ABCA13: variants seen among roughly 807,000 people sequenced by gnomAD.
The protein encoded by ABCA13 is ATP-binding cassette sub-family A member 13.
A neutral mutation model predicts 478.7 loss-of-function variants in ABCA13; 476 were observed. That is an observed-to-expected ratio of 0.99 (90% CI 0.92 to 1.07). ABCA13 has a LOEUF of 1.07. ABCA13 is among the 50% of genes least tolerant of loss of function. The pLI is 0.00. For synonymous variants in ABCA13, 2,252 were observed against 2,158.9 expected (o/e 1.04, Z -1.20); for missense variants, 6,060 against 5,910.6 (o/e 1.03, Z -0.83).
chr7:48,538,262 G>A (rs796464629), intron 55 of ABCA13, among the ~76,000 whole-genome samples: 19 of 151,676 alleles, frequency 1.3e-4, no homozygotes, highest in African/African-American at 1.9e-4. Flanking sequence ...CACTGCACCC[G>A]ACTACATTTT....
At chr7:48,214,465 TCTC>T (rs1424881466) in intron 3 of ABCA13, among the ~76,000 whole-genome samples, 2 of 152,172 alleles carry the variant, frequency 1.3e-5, no homozygotes, top group African/African-American at 4.8e-5. Context: ...GGCATTGACT[TCTC>T]CTCTCCGGTT....
chr7:48,192,144 G>A (rs1472671234), intron 1 of ABCA13, among the ~76,000 whole-genome samples: 3 of 151,308 alleles, frequency 2.0e-5, no homozygotes, highest in Non-Finnish European at 4.4e-5. Context: ...TATGACAATT[G>A]AGGCTTTTCT....
intron 20 of ABCA13, among the ~76,000 whole-genome samples, chr7:48,293,052 A>G (rs1584679335): frequency 6.6e-6 from 1 of 152,342 alleles, no homozygotes; most frequent in East Asian, 1.9e-4. Context: ...AGAGTCAAGA[A>G]GTTGCATGCT....
intron 5 of ABCA13, among the ~76,000 whole-genome samples, chr7:48,223,845 G>A (rs574679457): frequency 6.6e-6 from 1 of 151,792 alleles, no homozygotes; most frequent in Non-Finnish European, 1.5e-5. Flanking sequence ...TATAATCCCA[G>A]CTACTCGAGA....
intron 43 of ABCA13, among the ~76,000 whole-genome samples, chr7:48,464,925 G>A (rs1185863484): frequency 6.6e-6 from 1 of 152,166 alleles, no homozygotes; most frequent in Non-Finnish European, 1.5e-5. Context: ...GACTTATTAT[G>A]GAATCGGTGT....
intron 1 of ABCA13, among the ~76,000 whole-genome samples, chr7:48,172,364 T>G (rs892136351): frequency 6.6e-6 from 1 of 152,242 alleles, no homozygotes; most frequent in Middle Eastern, 3.2e-3. Context: ...GTAATTGACA[T>G]TGAATTACAT....
In ABCA13 at chr7:48,489,322, T is replaced by TA; in HGVS notation, c.13270dup (p.Thr4424AsnfsTer84). 1 of 1,608,726 alleles carries TA rather than the reference T, an allele frequency of 6.2e-7. No homozygotes were observed. The highest frequency in any genetic ancestry group is 8.5e-7 in the Non-Finnish European group (1 of 1,175,714). On this transcript the variant is annotated frameshift_variant, in exon 48 of 62. Coordinates refer to ENST00000435803, the MANE Select transcript of ABCA13 (RefSeq NM_152701.5). LOFTEE classifies it high-confidence loss of function. ...TTATTTTGTGGCAGCACCTACCCCC[T>TA]ACTGTGGACTGGAGACAATACGGTA...
chr7:48,311,634 G>A (rs1801793302), intron 24 of ABCA13, among the ~76,000 whole-genome samples: 1 of 152,162 alleles, frequency 6.6e-6, no homozygotes, highest in Non-Finnish European at 1.5e-5. Flanking sequence ...ATAAGATAGT[G>A]GGTTGGATTC....
chr7:48,626,255 G>A (rs1230836014), intron 59 of ABCA13, among the ~76,000 whole-genome samples: 1 of 152,206 alleles, frequency 6.6e-6, no homozygotes, highest in Non-Finnish European at 1.5e-5. Flanking sequence ...GAGTTAGGAG[G>A]AGGAAGAATG....
intron 2 of ABCA13, among the ~76,000 whole-genome samples, chr7:48,196,766 G>T (rs150729773): frequency 0.93 from 141,320 of 152,114 alleles, 65,728 homozygotes; most frequent in African/African-American, 0.96. Context: ...GAGAGATAGA[G>T]GGGACACAGA....
chr7:48,289,803 T>C (rs1016046319), intron 20 of ABCA13, among the ~76,000 whole-genome samples: 2 of 152,202 alleles, frequency 1.3e-5, no homozygotes, highest in Admixed American at 6.5e-5. Context: ...TGGTAACAGT[T>C]GGGTTAGTTT....
chr7:48,245,726 T>C, intron 12 of ABCA13, 114 bp downstream of exon 12: 2 of 1,424,608 alleles, frequency 1.4e-6, no homozygotes, highest in Non-Finnish European at 1.9e-6. Flanking sequence ...AAGGGAACAA[T>C]ATGCAGGTTT....
intron 56 of ABCA13, 25 bp downstream of exon 56, chr7:48,580,399 A>T: frequency 6.2e-7 from 1 of 1,601,970 alleles, no homozygotes. Context: ...GGTCTTCTAG[A>T]TAAAGGGACC....
At chr7:48,535,115 G>A (rs1256553463) in intron 55 of ABCA13, among the ~76,000 whole-genome samples, 1 of 152,120 alleles carries the variant, frequency 6.6e-6, no homozygotes, top group Non-Finnish European at 1.5e-5. Flanking sequence ...TTGTTTTTCT[G>A]GTTTCCTCCT....
intron 23 of ABCA13, among the ~76,000 whole-genome samples, chr7:48,301,583 T>C (rs1365593304): frequency 6.6e-6 from 1 of 152,118 alleles, no homozygotes; most frequent in East Asian, 1.9e-4. Context: ...GTTATGGGTT[T>C]CTGGGATCAT....
intron 55 of ABCA13, among the ~76,000 whole-genome samples, chr7:48,555,703 C>T (rs1785750398): frequency 6.6e-6 from 1 of 151,480 alleles, no homozygotes; most frequent in Non-Finnish European, 1.5e-5. Context: ...TAGGTTTTCC[C>T]TCTTTTTTTC....
intron 32 of ABCA13, among the ~76,000 whole-genome samples, chr7:48,371,038 C>A (rs972065385): frequency 6.6e-6 from 1 of 152,080 alleles, no homozygotes; most frequent in East Asian, 1.9e-4. Flanking sequence ...AATAGGGAAC[C>A]CTTTCCCCAT....
At chr7:48,396,968 C>T (rs1236267955) in intron 38 of ABCA13, among the ~76,000 whole-genome samples, 1 of 152,200 alleles carries the variant, frequency 6.6e-6, no homozygotes, top group African/African-American at 2.4e-5. Context: ...AGATACGAAA[C>T]AAAACAAGAT....
intron 58 of ABCA13, among the ~76,000 whole-genome samples, chr7:48,602,740 GTTTT>G (rs145107586): frequency 6.7e-6 from 1 of 149,684 alleles, no homozygotes; most frequent in Non-Finnish European, 1.5e-5. Context: ...ATTTAAAGTG[GTTTT>G]TTTTTTCCAA....
Sources: gnomAD v4.1 joint callset for allele counts (sites outside exome capture counted in the v4.1 genomes callset) on GRCh38, gnomAD v4.1.1 for gene constraint, MANE v1.5 for transcripts, NCBI Gene and HGNC (gene_info 2026-07-23, HGNC 2026-07-21) for gene names.